MAMLD1: variants seen among roughly 807,000 people sequenced by gnomAD.
MAMLD1 encodes the protein mastermind-like domain-containing protein 1.
In MAMLD1, 14 loss-of-function variants were observed where a neutral mutation model predicts 45.0. That is an observed-to-expected ratio of 0.31 (90% CI 0.21 to 0.49). MAMLD1 has a LOEUF of 0.49. Among genes scored for constraint, MAMLD1 ranks in the 20% least tolerant of loss-of-function variants. MAMLD1 has a pLI of 0.99. For synonymous variants in MAMLD1, 254 were observed against 247.8 expected (o/e 1.02, Z -0.24); for missense variants, 543 against 603.6 (o/e 0.90, Z 1.05).
upstream of MAMLD1, among the ~76,000 whole-genome samples, chrX:150,361,968 G>T (rs781971294): frequency 2.7e-4 from 30 of 113,120 alleles, no homozygotes; most frequent in Non-Finnish European, 3.9e-4. Flanking sequence ...AGACTGGCCA[G>T]CGAGCCTGGA....
intron 5 of MAMLD1, among the ~76,000 whole-genome samples, chrX:150,500,538 C>T (rs1422016581): frequency 9.0e-6 from 1 of 111,256 alleles, no homozygotes; most frequent in Non-Finnish European, 1.9e-5. Context: ...GTAAGTGTGA[C>T]CTCCAGGAAA....
intron 5 of MAMLD1, among the ~76,000 whole-genome samples, chrX:150,485,090 G>T: frequency 9.0e-6 from 1 of 111,006 alleles, no homozygotes; most frequent in Non-Finnish European, 1.9e-5. Context: ...AGAGAGGAAA[G>T]CTCCTCTTTT....
chrX:150,457,692 C>T (rs1294106232), intron 2 of MAMLD1, among the ~76,000 whole-genome samples: 1 of 111,916 alleles, frequency 8.9e-6, no homozygotes, highest in African/African-American at 3.3e-5. Flanking sequence ...GCCCAGAAAA[C>T]ATGATGCCGG....
intron 2 of MAMLD1, among the ~76,000 whole-genome samples, chrX:150,457,448 C>T (rs1557405380): frequency 8.9e-6 from 1 of 112,258 alleles, no homozygotes; most frequent in African/African-American, 3.2e-5. Flanking sequence ...TAAAATTACA[C>T]CATGACCTAG....
At chrX:150,376,077 C>T (rs1317048079) in intron 1 of MAMLD1, among the ~76,000 whole-genome samples, 2 of 111,643 alleles carry the variant, frequency 1.8e-5, no homozygotes, top group Non-Finnish European at 3.8e-5. Flanking sequence ...GCTATTTCCT[C>T]AGACTGGGCA....
intron 5 of MAMLD1, among the ~76,000 whole-genome samples, chrX:150,483,236 C>T (rs1214699755): frequency 1.8e-5 from 2 of 112,477 alleles, no homozygotes; most frequent in East Asian, 2.8e-4. Flanking sequence ...CCTGCTCATG[C>T]TCCAGCTCAC....
At chrX:150,408,479 G>A (rs1163004890) in intron 1 of MAMLD1, among the ~76,000 whole-genome samples, 1 of 111,688 alleles carries the variant, frequency 9.0e-6, no homozygotes, top group Middle Eastern at 4.6e-3. Flanking sequence ...AAGAATCTCT[G>A]TTCCCTTTAT....
At chrX:150,439,915 C>A (rs1203095245) in intron 1 of MAMLD1, among the ~76,000 whole-genome samples, 1 of 109,977 alleles carries the variant, frequency 9.1e-6, no homozygotes, top group African/African-American at 3.3e-5. Context: ...CCACTGCTCT[C>A]CAGCCTGGGA....
chrX:150,452,515 C>T (rs2035697068), intron 2 of MAMLD1, among the ~76,000 whole-genome samples: 1 of 111,015 alleles, frequency 9.0e-6, no homozygotes, highest in Non-Finnish European at 1.9e-5. Flanking sequence ...TCCACTAGCC[C>T]ATGCAAATTG....
Position 150,480,944 on chromosome X carries a change from T to A in MAMLD1, c.2040+7142T>A, listed in dbSNP as rs782664688. Among the ~76,000 whole-genome samples, 63 of 112,581 alleles carry A rather than the reference T, an allele frequency of 5.6e-4. 1 individual carries two copies. Among genetic ancestry groups the A allele is most frequent in the Middle Eastern group, 4.6e-3 (1 of 217 alleles). On this transcript the variant is annotated intron_variant, in intron 5 of 7. Transcript: ENST00000370401. ...CCGGCCAGCTTTTTCCCCTGTAGCATGCTACCAAATCCGGCCATCTTCCAG... is the reference window on the plus strand; with the variant it reads ...CCGGCCAGCTTTTTCCCCTGTAGCAAGCTACCAAATCCGGCCATCTTCCAG...
At chrX:150,458,815 C>A (rs2035949683) in intron 2 of MAMLD1, among the ~76,000 whole-genome samples, 1 of 111,547 alleles carries the variant, frequency 9.0e-6, no homozygotes. Flanking sequence ...GTTTTAAAAT[C>A]ATAGAAACAG....
At chrX:150,469,366 G>A (rs954014172) in intron 3 of MAMLD1, among the ~76,000 whole-genome samples, 6 of 112,162 alleles carry the variant, frequency 5.3e-5, no homozygotes, top group Non-Finnish European at 9.4e-5. Flanking sequence ...CTTGAAGTGG[G>A]CAGATTACCC....
At chrX:150,487,866 A>G (rs781802447) in intron 5 of MAMLD1, among the ~76,000 whole-genome samples, 12 of 112,483 alleles carry the variant, frequency 1.1e-4, no homozygotes, top group Admixed American at 2.8e-4. Context: ...TTGTCCATCA[A>G]TGTTTTCACA....
chrX:150,370,423 ATTG>A (rs1216353802), intron 1 of MAMLD1, among the ~76,000 whole-genome samples: 1 of 112,121 alleles, frequency 8.9e-6, no homozygotes, highest in Non-Finnish European at 1.9e-5. Flanking sequence ...TTGTTGTGTC[ATTG>A]TTGTTCTTTA....
chrX:150,441,922 A>G (rs1557404562), intron 1 of MAMLD1, among the ~76,000 whole-genome samples: 1 of 111,476 alleles, frequency 9.0e-6, no homozygotes, highest in Non-Finnish European at 1.9e-5. Context: ...TTCTCCGTTC[A>G]GTTCTAAAAA....
chrX:150,483,177 G>A (rs782343326), intron 5 of MAMLD1, among the ~76,000 whole-genome samples: 1 of 112,325 alleles, frequency 8.9e-6, no homozygotes, highest in South Asian at 3.7e-4. Context: ...GGACACCTCT[G>A]ACCAATGCCA....
chrX:150,378,331 G>A (rs1286935715), intron 1 of MAMLD1, among the ~76,000 whole-genome samples: 1 of 112,157 alleles, frequency 8.9e-6, no homozygotes, highest in Non-Finnish European at 1.9e-5. Context: ...CATATCAGGA[G>A]GTCCACGATG....
At chrX:150,370,827 C>T (rs183809263) in intron 1 of MAMLD1, among the ~76,000 whole-genome samples, 23 of 111,978 alleles carry the variant, frequency 2.1e-4, no homozygotes, top group Non-Finnish European at 3.2e-4. Flanking sequence ...CAAAAATATT[C>T]CCCCCGGGGG....
chrX:150,508,164 G>A (rs782642399), intron 6 of MAMLD1, among the ~76,000 whole-genome samples: 2 of 112,782 alleles, frequency 1.8e-5, no homozygotes, highest in South Asian at 3.6e-4. Flanking sequence ...GAGCCAAAGC[G>A]AAAGGACTGC....
Sources: gnomAD v4.1 joint callset for allele counts (sites outside exome capture counted in the v4.1 genomes callset) on GRCh38, gnomAD v4.1.1 for gene constraint, MANE v1.5 for transcripts, NCBI Gene and HGNC (gene_info 2026-07-23, HGNC 2026-07-21) for gene names.